The following GABBR2 variants were observed in gnomAD, a reference collection of about 807,000 sequenced individuals.
GABBR2 encodes the protein G-protein coupled receptor 51.
GABBR2 carries 23 observed loss-of-function variants against 105.6 expected under a neutral mutation model. The ratio of observed to expected loss-of-function variants is 0.22; its 90% CI spans 0.16 to 0.31. GABBR2 has a LOEUF of 0.31. GABBR2 is among the 10% of genes least tolerant of loss of function. GABBR2 has a pLI of 1.00. For synonymous variants in GABBR2, 478 were observed against 499.7 expected, an observed-to-expected ratio of 0.96 and a Z score of 0.58; for missense variants, 734 against 1,245.5, an observed-to-expected ratio of 0.59 and a Z score of 6.18.
intron 1 of GABBR2, among the ~76,000 whole-genome samples, chr9:98,597,451 C>T (rs1238059737): frequency 1.3e-5 from 2 of 152,228 alleles, no homozygotes; most frequent in Admixed American, 1.3e-4. Flanking sequence ...TCACAAGCAT[C>T]ATCTCATGAA....
chr9:98,468,408 G>A (rs763635381), intron 6 of GABBR2, among the ~76,000 whole-genome samples: 1 of 152,194 alleles, frequency 6.6e-6, no homozygotes, highest in Non-Finnish European at 1.5e-5. Flanking sequence ...ACAGGGGTTT[G>A]ACAAATACAA....
At chr9:98,652,154 T>G (rs1255258302) in intron 1 of GABBR2, among the ~76,000 whole-genome samples, 1 of 152,232 alleles carries the variant, frequency 6.6e-6, no homozygotes, top group East Asian at 1.9e-4. Context: ...AGTTACATTA[T>G]GTGTATTATC....
intron 8 of GABBR2, among the ~76,000 whole-genome samples, chr9:98,403,599 A>G (rs1832436960): frequency 6.6e-6 from 1 of 152,068 alleles, no homozygotes; most frequent in African/African-American, 2.4e-5. Context: ...CCTATACATC[A>G]CTAAGTGCAG....
chr9:98,373,851 CTTTTTTTTT>C (rs577915397), intron 11 of GABBR2, among the ~76,000 whole-genome samples: 3 of 86,692 alleles, frequency 3.5e-5, no homozygotes, highest in Admixed American at 1.4e-4. Context: ...CAAAGCATTC[CTTTTTTTTT>C]TTTTTTTTTT....
At chr9:98,357,458 G>T (rs1401825591) in intron 13 of GABBR2, among the ~76,000 whole-genome samples, 1 of 152,154 alleles carries the variant, frequency 6.6e-6, no homozygotes, top group Non-Finnish European at 1.5e-5. Flanking sequence ...GACCAGTCTA[G>T]ACAACATGAG....
intron 2 of GABBR2, 27 bp downstream of exon 2, chr9:98,577,908 C>A (rs376980288): frequency 1.2e-5 from 19 of 1,580,622 alleles, no homozygotes; most frequent in Non-Finnish European, 1.5e-5. Context: ...GACACCTCCC[C>A]ACAAAAGAAG....
At chr9:98,360,755 A>ACCTTGTTT in intron 13 of GABBR2, among the ~76,000 whole-genome samples, 1 of 152,204 alleles carries the variant, frequency 6.6e-6, no homozygotes, top group Admixed American at 6.5e-5. Flanking sequence ...ACCTTGTTTA[A>ACCTTGTTT]ACGGTCCAGT....
At chr9:98,665,934 T>C (rs553710833) in intron 1 of GABBR2, among the ~76,000 whole-genome samples, 68 of 152,312 alleles carry the variant, frequency 4.5e-4, no homozygotes, top group Non-Finnish European at 8.7e-4. Context: ...CTACACCTAT[T>C]CTGGTATGGT....
chr9:98,553,825 C>T (rs955916700), intron 2 of GABBR2, among the ~76,000 whole-genome samples: 7 of 152,148 alleles, frequency 4.6e-5, no homozygotes, highest in South Asian at 2.1e-4. Flanking sequence ...ATGATCACTC[C>T]GCAAGCAACT....
intron 13 of GABBR2, among the ~76,000 whole-genome samples, chr9:98,361,345 C>T (rs910233160): frequency 4.0e-5 from 6 of 150,906 alleles, no homozygotes; most frequent in South Asian, 2.1e-4. Context: ...AATGAGTTAA[C>T]GCATGATACC....
Position 98,346,434 on chromosome 9 carries a change from TTTTA to T in GABBR2, c.1893+16277_1893+16280del, listed in dbSNP as rs1214077240. 2.0e-5 allele frequency among the ~76,000 whole-genome samples: 3 copies of T among 152,018 alleles called. No homozygotes were observed. In the South Asian group the frequency reaches 6.2e-4, roughly 32 times the overall value. ...CTCACTCATGAAAGTTATTTTTTCCTTTTATTTTTAGTTGACATGTAATAATTGT... is the reference window on the plus strand; with the variant it reads ...CTCACTCATGAAAGTTATTTTTTCCTTTTTTAGTTGACATGTAATAATTGT... On this transcript the variant is annotated intron_variant, in intron 13 of 18. Transcript: ENST00000259455.
At chr9:98,402,344 A>T (rs1345458253) in intron 8 of GABBR2, among the ~76,000 whole-genome samples, 2 of 150,614 alleles carry the variant, frequency 1.3e-5, no homozygotes, top group Non-Finnish European at 3.0e-5. Flanking sequence ...AGGGGAAAAA[A>T]GCCAATTCTC....
At chr9:98,586,161 T>C (rs1333612451) in intron 1 of GABBR2, among the ~76,000 whole-genome samples, 1 of 152,084 alleles carries the variant, frequency 6.6e-6, no homozygotes, top group Non-Finnish European at 1.5e-5. Flanking sequence ...GAACAGACAG[T>C]ATATCCAGCA....
In GABBR2 at chr9:98,288,554, T is replaced by C. The variant is rs1215861846; in HGVS notation, c.*2030A>G. ...CTACAGGTATTTTTTTTTGTGTGTGTGTATACATTATGTACAATTAATTGT... is the reference window on the plus strand; with the variant it reads ...CTACAGGTATTTTTTTTTGTGTGTGCGTATACATTATGTACAATTAATTGT... On this transcript the variant is annotated 3_prime_UTR_variant, in exon 19 of 19. Coordinates refer to ENST00000259455, the MANE Select transcript of GABBR2 (RefSeq NM_005458.8). 2.0e-5 allele frequency: 3 copies of C among 152,556 alleles called. No homozygotes were observed. The highest frequency in any genetic ancestry group is 6.5e-5 in the Admixed American group (1 of 15,278). 9.5% of individuals were successfully genotyped at this position (152,556 alleles called of 1,614,324 possible).
At chr9:98,505,233 T>C (rs932138517) in intron 3 of GABBR2, among the ~76,000 whole-genome samples, 3 of 152,224 alleles carry the variant, frequency 2.0e-5, no homozygotes, top group Admixed American at 1.3e-4. Context: ...GCATTCCTTC[T>C]GAGAAATGGA....
chr9:98,492,219 T>C (rs951457517), intron 4 of GABBR2, among the ~76,000 whole-genome samples: 1 of 151,880 alleles, frequency 6.6e-6, no homozygotes, highest in Non-Finnish European at 1.5e-5. Flanking sequence ...AGCTGGCTAG[T>C]TTGCTCATAT....
chr9:98,675,664 C>T (rs1017981361), intron 1 of GABBR2, among the ~76,000 whole-genome samples: 4 of 152,156 alleles, frequency 2.6e-5, no homozygotes, highest in Admixed American at 2.0e-4. Flanking sequence ...TTAACAGTAA[C>T]AAGTGTGGAC....
intron 7 of GABBR2, among the ~76,000 whole-genome samples, chr9:98,452,763 G>A (rs936595568): frequency 2.6e-5 from 4 of 152,036 alleles, no homozygotes; most frequent in Admixed American, 6.6e-5. Context: ...CCCATTTCCC[G>A]GATGAGAAAC....
At chr9:98,594,051 C>T (rs905762653) in intron 1 of GABBR2, among the ~76,000 whole-genome samples, 3 of 152,214 alleles carry the variant, frequency 2.0e-5, no homozygotes, top group Non-Finnish European at 2.9e-5. Flanking sequence ...TTCAGAGGCC[C>T]ATCCCAGAGG....
Sources: gnomAD v4.1 joint callset for allele counts (sites outside exome capture counted in the v4.1 genomes callset) on GRCh38, gnomAD v4.1.1 for gene constraint, MANE v1.5 for transcripts, NCBI Gene and HGNC (gene_info 2026-07-23, HGNC 2026-07-21) for gene names.